Variants in FSTL4 observed in about 807,000 individuals in gnomAD.
The protein encoded by FSTL4 is follistatin-related protein 4.
A neutral mutation model predicts 78.2 loss-of-function variants in FSTL4; 28 were observed. The ratio of observed to expected loss-of-function variants is 0.36; its 90% CI spans 0.27 to 0.49. The LOEUF (loss-of-function observed/expected upper bound fraction) is 0.49. Ranked by LOEUF, FSTL4 falls within the 20% of genes least tolerant of loss-of-function variation. The pLI, the probability that FSTL4 is intolerant of heterozygous loss-of-function variation, is 0.98. For missense variants in FSTL4, 922 were observed against 1,084.9 expected (o/e 0.85, Z 2.11); for synonymous variants, 422 against 440.5 (o/e 0.96, Z 0.53).
rs1233787872 is a variant in FSTL4, at chr5:133,440,121, G to T, written c.161-39135C>A. ...CACAAGCCCTGGCTGTGGAAGAATG[G>T]CAGGTCCAGCTGGGCGAGTAGTACA... On this transcript the variant is annotated intron_variant, in intron 3 of 15. Coordinates refer to ENST00000265342, the MANE Select transcript of FSTL4 (RefSeq NM_015082.2). This position sits in a 1 kb window ranked among gnomAD's most constrained non-coding sequence, Gnocchi z 4.1. Among the ~76,000 whole-genome samples, 1 of 152,180 alleles carries T rather than the reference G, an allele frequency of 6.6e-6. No individual in the cohort carries two copies. Among genetic ancestry groups the T allele is most frequent in the Non-Finnish European group, 1.5e-5 (1 of 68,026 alleles).
chr5:133,471,863 A>T (rs566614640), intron 3 of FSTL4, among the ~76,000 whole-genome samples: 1 of 152,284 alleles, frequency 6.6e-6, no homozygotes, highest in Non-Finnish European at 1.5e-5. Context: ...TACACAGTTA[A>T]CACTACACTT....
chr5:133,784,457 G>A, the FSTL4 span, among the ~76,000 whole-genome samples: 8 of 152,138 alleles, frequency 5.3e-5, no homozygotes, highest in African/African-American at 1.4e-4. Flanking sequence ...GAAGAGTACT[G>A]GTCAGAGAAT....
the FSTL4 span, among the ~76,000 whole-genome samples, chr5:133,706,700 C>G: frequency 3.9e-5 from 6 of 152,318 alleles, no homozygotes; most frequent in East Asian, 9.6e-4. Context: ...GTACTTCTGA[C>G]CAGCCCACTT....
chr5:133,234,593 C>G (rs183352740), intron 7 of FSTL4, among the ~76,000 whole-genome samples: 9 of 152,340 alleles, frequency 5.9e-5, no homozygotes, highest in African/African-American at 1.9e-4. Flanking sequence ...GCCTTGGCTA[C>G]CAAACATTTC....
At chr5:133,838,108 G>T in the FSTL4 span, among the ~76,000 whole-genome samples, 1 of 151,976 alleles carries the variant, frequency 6.6e-6, no homozygotes, top group Non-Finnish European at 1.5e-5. Context: ...AGCTGGTCTG[G>T]AACTCCTGAC....
chr5:133,462,772 T>C (rs1490627536), intron 3 of FSTL4, among the ~76,000 whole-genome samples: 1 of 152,210 alleles, frequency 6.6e-6, no homozygotes, highest in East Asian at 1.9e-4. Context: ...CGGCGCTTGA[T>C]ACTGATGATG....
chr5:133,634,092 A>G, the FSTL4 span, among the ~76,000 whole-genome samples: 1 of 152,052 alleles, frequency 6.6e-6, no homozygotes, highest in South Asian at 2.1e-4. Flanking sequence ...CTCCAATGCT[A>G]CCTCAGTGGC....
chr5:133,753,701 G>T, the FSTL4 span, among the ~76,000 whole-genome samples: 1 of 76,302 alleles, frequency 1.3e-5, no homozygotes, highest in African/African-American at 4.4e-5. Flanking sequence ...GTGTGTGTGT[G>T]TGTGTGTGTG....
chr5:133,428,199 A>G (rs1561713341), intron 3 of FSTL4, among the ~76,000 whole-genome samples: 1 of 152,230 alleles, frequency 6.6e-6, no homozygotes. Context: ...AAGGGATTGC[A>G]GCCAATGTGT....
intron 6 of FSTL4, among the ~76,000 whole-genome samples, chr5:133,295,251 C>T (rs554342038): frequency 5.3e-5 from 8 of 152,302 alleles, no homozygotes; most frequent in South Asian, 2.1e-4. Context: ...CCATCTCTGT[C>T]GGTTCACACT....
At chr5:133,808,943 G>A in the FSTL4 span, among the ~76,000 whole-genome samples, 5 of 147,824 alleles carry the variant, frequency 3.4e-5, 1 homozygote, top group African/African-American at 1.3e-4. Flanking sequence ...GAACCACCAG[G>A]ACTGTCAGGA....
intron 3 of FSTL4, among the ~76,000 whole-genome samples, chr5:133,451,626 A>T (rs1757385548): frequency 6.6e-6 from 1 of 152,070 alleles, no homozygotes; most frequent in Non-Finnish European, 1.5e-5. Context: ...CACAGCAGAA[A>T]CACATGTGTG....
upstream of FSTL4, among the ~76,000 whole-genome samples, chr5:133,613,312 A>G (rs750047576): frequency 1.2e-4 from 18 of 152,162 alleles, no homozygotes; most frequent in Non-Finnish European, 2.4e-4. Context: ...GAAACTTAGG[A>G]GGGAGCCCCT....
At chr5:133,529,993 G>C (rs1759217635) in intron 3 of FSTL4, among the ~76,000 whole-genome samples, 1 of 152,046 alleles carries the variant, frequency 6.6e-6, no homozygotes, top group Non-Finnish European at 1.5e-5. Context: ...AGCGAGTCCA[G>C]CTTTTTGGAG....
At chr5:133,420,521 AG>A (rs1344093069) in intron 3 of FSTL4, among the ~76,000 whole-genome samples, 2 of 152,218 alleles carry the variant, frequency 1.3e-5, no homozygotes, top group Non-Finnish European at 2.9e-5. Flanking sequence ...ACACCTGTGC[AG>A]GCTGGCTGGC....
At chr5:133,395,211 G>C (rs189095999) in intron 4 of FSTL4, among the ~76,000 whole-genome samples, 2 of 152,212 alleles carry the variant, frequency 1.3e-5, no homozygotes, top group South Asian at 4.2e-4. Flanking sequence ...TTGTTCTTTC[G>C]CTCTTTGCAA....
chr5:133,836,503 C>G, the FSTL4 span, among the ~76,000 whole-genome samples: 2 of 152,178 alleles, frequency 1.3e-5, no homozygotes, highest in African/African-American at 4.8e-5. Context: ...CCCTAGAAGA[C>G]ATAGTCAGAT....
chr5:133,354,811 G>GGA (rs1201560455), intron 4 of FSTL4, among the ~76,000 whole-genome samples: 1 of 152,218 alleles, frequency 6.6e-6, no homozygotes, highest in Non-Finnish European at 1.5e-5. Flanking sequence ...TGCAGCCCCG[G>GGA]GAGCACCATC....
rs370737058 is a variant in FSTL4 at position 133,401,080 on chromosome 5, T to C, written c.161-94A>G. 6.7e-5 allele frequency: 97 copies of C among 1,439,196 alleles called. 3 individuals carry two copies. The East Asian group carries it at 7.3e-4, about 11-fold the overall frequency. 89.2% of individuals were successfully genotyped at this position (1,439,196 alleles called of 1,614,324 possible). The stretch of plus-strand genomic sequence containing the variant: ...TGTAGCTCACAAGCACAGACTCCAT[T>C]TGCCTGTGCAGCCAAGCTACTCAAG... On this transcript the variant is annotated intron_variant, in intron 3 of 15. Transcript: ENST00000265342.
Sources: allele counts gnomAD v4.1 joint callset (sites outside exome capture counted in the v4.1 genomes callset), GRCh38; gene constraint gnomAD v4.1.1; non-coding constraint Gnocchi (gnomAD v3.1); transcripts MANE v1.5; gene names NCBI Gene and HGNC (gene_info 2026-07-23, HGNC 2026-07-21).